The following PKDCC variants were observed in gnomAD, a reference collection of about 807,000 sequenced individuals.
PKDCC encodes the protein extracellular tyrosine-protein kinase PKDCC.
In PKDCC, 35 loss-of-function variants were observed where a neutral mutation model predicts 44.7. The observed-to-expected ratio is 0.78, with a 90% confidence interval of 0.60 to 1.04. The LOEUF is 1.04. PKDCC is among the 50% of genes least tolerant of loss of function. The pLI, the probability that PKDCC is intolerant of heterozygous loss-of-function variation, is 0.00. For missense variants in PKDCC, 738 were observed against 672.7 expected, an observed-to-expected ratio of 1.10 and a Z score of -1.07; for synonymous variants, 353 against 303.3, an observed-to-expected ratio of 1.16 and a Z score of -1.70.
At position 42,048,571 on chromosome 2, in the gene PKDCC, C is replaced by A. The variant is rs1667912356; in HGVS notation, c.372C>A (p.Pro124=). The A allele has an allele frequency of 3.7e-6, 5 of 1,352,238 alleles. No individual in the cohort carries two copies. The highest frequency in any genetic ancestry group is 3.8e-6 in the Non-Finnish European group (4 of 1,053,870). The allele number at this position is 1,352,238 out of a possible 1,614,324, so 83.8% of individuals were successfully genotyped here. ...GWPPAPGPGS[P]GPGPRLGCAA... is the part of the protein sequence containing the mutation. Reference sequence around the variant, plus strand: ...CCCCGGCTCCCGGCCCAGGCTCCCCCGGCCCGGGCCCGCGCCTGGGCTGCG... The same window carrying A: ...CCCCGGCTCCCGGCCCAGGCTCCCCAGGCCCGGGCCCGCGCCTGGGCTGCG... The change falls in exon 1 of 7, where the codon CCC becomes CCA. Residue 124 remains proline, a synonymous_variant. Coordinates refer to ENST00000294964, the MANE Select transcript of PKDCC (RefSeq NM_138370.3). The surrounding 1 kb of genome is among the most constrained non-coding windows in gnomAD (Gnocchi z 6.2).
rs1668020602 is a variant in PKDCC at position 42,054,447 on chromosome 2, C to G, written c.1034+140C>G. 1 of 1,011,920 alleles carries G rather than the reference C, an allele frequency of 9.9e-7. No individual in the cohort carries two copies. Among genetic ancestry groups the G allele is most frequent in the Admixed American group, 2.8e-5 (1 of 35,196 alleles). 62.7% of individuals were successfully genotyped at this position (1,011,920 alleles called of 1,614,324 possible). A position where few individuals can be genotyped will look rare whatever the true frequency, so the allele number is the denominator to read the frequency against. On this transcript the variant is annotated intron_variant, in intron 3 of 6. Transcript: ENST00000294964. This position sits in a 1 kb window ranked among gnomAD's most constrained non-coding sequence, Gnocchi z 6.1. ...AGCAAGGGAAGGCTTCTACCCTGTCCAGAAGGGAACATTCAGGCCTCTGAT... is the reference window on the plus strand; with the variant it reads ...AGCAAGGGAAGGCTTCTACCCTGTCGAGAAGGGAACATTCAGGCCTCTGAT...
chr2:42,055,300 G>A lies in PKDCC; in HGVS notation c.1129G>A (p.Gly377Arg), dbSNP rs139834357. ...IVNATGELAW[G>R]VDETLAQLEK... is the part of the protein sequence containing the mutation. ...GCACTCTGCAGGAGAGCTCGCCTGG[G>A]GGGTGGACGAGACCCTGGCCCAGCT... Residue 377 changes from glycine (G) to arginine (R), a missense_variant, in exon 5 of 7, where the codon GGG (glycine) becomes AGG (arginine). By Grantham distance (125) the Gly-to-Arg change is moderately radical. Transcript: ENST00000294964. This position sits in a 1 kb window ranked among gnomAD's most constrained non-coding sequence, Gnocchi z 4.5. 1.1e-5 allele frequency: 18 copies of A among 1,613,092 alleles called. No individual in the cohort carries two copies. The highest frequency in any genetic ancestry group is 8.0e-5 in the African/African-American group (6 of 74,904).
At position 42,051,030 on chromosome 2, in the gene PKDCC, G is replaced by T. The variant is rs1204953495; in HGVS notation, c.639+2192G>T. ...ACCATTTGACTGTTTGCTGAACTGG[G>T]GAGGAGTTAGAGAACATTTCTAGAG... On this transcript the variant is annotated intron_variant, in intron 1 of 6. Transcript: ENST00000294964. The surrounding 1 kb of genome is among the most constrained non-coding windows in gnomAD (Gnocchi z 4.2). Among the ~76,000 whole-genome samples the T allele has an allele frequency of 2.0e-5, 3 of 152,116 alleles. No homozygotes were observed. Among genetic ancestry groups the T allele is most frequent in the Non-Finnish European group, 4.4e-5 (3 of 68,012 alleles).
At chr2:42,053,204 CTG>C in intron 1 of PKDCC, 33 bp from the exon 2 acceptor site, 2 of 1,483,974 alleles carry the variant, frequency 1.3e-6, no homozygotes, top group Non-Finnish European at 9.2e-7. Flanking sequence ...CACCCCCACC[CTG>C]TGACCTAATG....
intron 2 of PKDCC, 75 bp downstream of exon 2, chr2:42,053,436 G>A: frequency 2.0e-6 from 3 of 1,513,214 alleles, no homozygotes; most frequent in Non-Finnish European, 2.7e-6. Context: ...GCCCTCCAAA[G>A]CAGCTCCCAC....
In PKDCC at chr2:42,058,496, T is replaced by G. The variant is rs1668096787; in HGVS notation, c.*808T>G. 6.6e-6 allele frequency: 1 copy of G among 152,290 alleles called. No individual in the cohort carries two copies. Among genetic ancestry groups the G allele is most frequent in the Non-Finnish European group, 1.5e-5 (1 of 68,038 alleles). 9.4% of individuals were successfully genotyped at this position (152,290 alleles called of 1,614,324 possible). On this transcript the variant is annotated 3_prime_UTR_variant, in exon 7 of 7. Transcript: ENST00000294964. This position sits in a 1 kb window ranked among gnomAD's most constrained non-coding sequence, Gnocchi z 4.2. The stretch of plus-strand genomic sequence containing the variant: ...TAAAAAATAAAATAAAATTAGTTAA[T>G]AAAATGATGTTTCACAGCAAACTCT...
chr2:42,055,564 T>C lies in PKDCC; in HGVS notation c.1222+171T>C. On this transcript the variant is annotated intron_variant, in intron 5 of 6. Transcript: ENST00000294964. This position sits in a 1 kb window ranked among gnomAD's most constrained non-coding sequence, Gnocchi z 4.5. The stretch of plus-strand genomic sequence containing the variant: ...GGGGCTGACATGGACTAATTTGAGG[T>C]TCCATCTCTAGCTGAGCTAGAGCAA... 1 of 608,250 alleles carries C rather than the reference T, an allele frequency of 1.6e-6. No homozygotes were observed. The highest frequency in any genetic ancestry group is 2.9e-6 in the Non-Finnish European group (1 of 343,870). The allele number at this position is 608,250 out of a possible 1,614,324, so 37.7% of individuals were successfully genotyped here. A position where few individuals can be genotyped will look rare whatever the true frequency, so the allele number is the denominator to read the frequency against.
At chr2:42,049,842 C>A (rs1196195222) in intron 1 of PKDCC, among the ~76,000 whole-genome samples, 2 of 152,188 alleles carry the variant, frequency 1.3e-5, no homozygotes, top group African/African-American at 2.4e-5. Context: ...GAGGGGAATC[C>A]CTGACCGCTG....
In PKDCC at chr2:42,051,794, G is replaced by A. The variant is rs543378070; in HGVS notation, c.640-1445G>A. On this transcript the variant is annotated intron_variant, in intron 1 of 6. Coordinates refer to ENST00000294964, the MANE Select transcript of PKDCC (RefSeq NM_138370.3). The surrounding 1 kb of genome is among the most constrained non-coding windows in gnomAD (Gnocchi z 4.2). ...CCTTCCCCCATGCCAGCAGGATGAC[G>A]GGGAGCTGAGGGGGCACTCCTAGGG... Among the ~76,000 whole-genome samples the A allele has an allele frequency of 2.0e-5, 3 of 152,216 alleles. No individual in the cohort carries two copies. Among genetic ancestry groups the A allele is most frequent in the East Asian group, 1.9e-4 (1 of 5,170 alleles).
rs1279725197 is a variant in PKDCC, at chr2:42,058,016, A to C, written c.*328A>C. 1 of 374,294 alleles carries C rather than the reference A, an allele frequency of 2.7e-6. No homozygotes were observed. Among genetic ancestry groups the C allele is most frequent in the Non-Finnish European group, 5.0e-6 (1 of 201,716 alleles). The allele number at this position is 374,294 out of a possible 1,614,324, so 23.2% of individuals were successfully genotyped here. The stretch of plus-strand genomic sequence containing the variant: ...CCCTCCCTGGGACGGTTCCGTGGGC[A>C]GCCCCATCACTGTGTTCAATAGTGT... On this transcript the variant is annotated 3_prime_UTR_variant, in exon 7 of 7. Coordinates refer to ENST00000294964, the MANE Select transcript of PKDCC (RefSeq NM_138370.3). This position sits in a 1 kb window ranked among gnomAD's most constrained non-coding sequence, Gnocchi z 4.2.
chr2:42,050,229 G>A (rs145573443), intron 1 of PKDCC, among the ~76,000 whole-genome samples: 2 of 152,188 alleles, frequency 1.3e-5, no homozygotes, highest in African/African-American at 2.4e-5. Flanking sequence ...AGCTCACACC[G>A]TGTCTGCAGC....
Position 42,055,303 on chromosome 2 carries a change from G to A in PKDCC, c.1132G>A (p.Val378Met), listed in dbSNP as rs1374754168. The A allele has an allele frequency of 1.2e-6, 2 of 1,613,328 alleles. No homozygotes were observed. The highest frequency in any genetic ancestry group is 1.1e-5 in the South Asian group (1 of 90,882). Reference protein sequence around the residue: ...VNATGELAWGVDETLAQLEKV... With the variant: ...VNATGELAWGMDETLAQLEKV... ...CTCTGCAGGAGAGCTCGCCTGGGGGGTGGACGAGACCCTGGCCCAGCTGGA... is the reference window on the plus strand; with the variant it reads ...CTCTGCAGGAGAGCTCGCCTGGGGGATGGACGAGACCCTGGCCCAGCTGGA... The change falls in exon 5 of 7, where the codon GTG becomes ATG. Residue 378 changes from valine (V) to methionine (M), a missense_variant. By Grantham distance (21) the Val-to-Met change is conservative. Coordinates refer to ENST00000294964, the MANE Select transcript of PKDCC (RefSeq NM_138370.3). The surrounding 1 kb of genome is among the most constrained non-coding windows in gnomAD (Gnocchi z 4.5).
At chr2:42,049,077 G>A (rs1406287728) in intron 1 of PKDCC, among the ~76,000 whole-genome samples, 1 of 152,160 alleles carries the variant, frequency 6.6e-6, no homozygotes, top group East Asian at 1.9e-4. Context: ...CTTAAAGACA[G>A]GCCAGGACAG....
Position 42,057,622 on chromosome 2 carries a change from C to A in PKDCC, c.1416C>A (p.Phe472Leu), listed in dbSNP as rs1345991539. 1.9e-6 allele frequency: 3 copies of A among 1,613,918 alleles called. No homozygotes were observed. ...CCCCAGGTCGGCAGCTGGTCTTTTT[C>A]AAGACTGGATGGAGCCAAGTGGTCC... The part of the protein sequence containing the change: ...TTWTGRQLVF[F>L]KTGWSQVVPD... Residue 472 changes from phenylalanine (F) to leucine (L), a missense_variant, in exon 7 of 7, where the codon TTC becomes TTA. Transcript: ENST00000294964.
chr2:42,057,555 C>G, intron 6 of PKDCC, 48 bp from the exon 7 acceptor site: 2 of 1,594,980 alleles, frequency 1.3e-6, no homozygotes, highest in Non-Finnish European at 1.7e-6. Flanking sequence ...GTCTTGCCTC[C>G]AGAAAGAGAA....
In PKDCC at chr2:42,055,247, G is replaced by A. The variant is rs759811568; in HGVS notation, c.1115-39G>A. ...CTGCTGACTTCAGGGAGGAGTGGGA[G>A]CCCCAGGCATCCTGTCTTAGCCACA... On this transcript the variant is annotated intron_variant, in intron 4 of 6. Coordinates refer to ENST00000294964, the MANE Select transcript of PKDCC (RefSeq NM_138370.3). This position sits in a 1 kb window ranked among gnomAD's most constrained non-coding sequence, Gnocchi z 4.5. 2.0e-5 allele frequency: 32 copies of A among 1,566,964 alleles called. No individual in the cohort carries two copies. The highest frequency in any genetic ancestry group is 2.8e-5 in the Non-Finnish European group (32 of 1,148,234).
chr2:42,053,917 G>C, intron 2 of PKDCC, 119 bp from the exon 3 acceptor site: 1 of 1,298,446 alleles, frequency 7.7e-7, no homozygotes. Flanking sequence ...GGGGCCTATA[G>C]AAGAGAAGTG....
Position 42,055,025 on chromosome 2 carries a change from GCT to G in PKDCC, c.1114+9_1114+10del. ...ACAGCATCGTCAACGCCACAGGTGA[GCT>G]CTCCAGGGCCCATCTGCTTCCAGGC... On this transcript the variant is annotated splice_donor_region_variant and intron_variant, in intron 4 of 6. Transcript: ENST00000294964. This position sits in a 1 kb window ranked among gnomAD's most constrained non-coding sequence, Gnocchi z 4.5. 1 of 1,612,852 alleles carries G rather than the reference GCT, an allele frequency of 6.2e-7. No homozygotes were observed. Among genetic ancestry groups the G allele is most frequent in the Non-Finnish European group, 8.5e-7 (1 of 1,178,898 alleles).
chr2:42,048,521 C>T lies in PKDCC; in HGVS notation c.322C>T (p.Leu108=), dbSNP rs557784874. The T allele has an allele frequency of 1.0e-4, 123 of 1,195,936 alleles. No individual in the cohort carries two copies. In the Middle Eastern group the frequency reaches 2.3e-3, roughly 23 times the overall value. 74.1% of individuals were successfully genotyped at this position (1,195,936 alleles called of 1,614,324 possible). The change falls in exon 1 of 7, where the codon CTG becomes TTG. Residue 108 remains leucine, a synonymous_variant. Transcript: ENST00000294964. This position sits in a 1 kb window ranked among gnomAD's most constrained non-coding sequence, Gnocchi z 6.2. ...CCCCCGGCCCCCTTGGGCCCGGCCC[C>T]TGTCCGACGGCGCCCCAGGCTGGCC... The part of the protein sequence containing the change: ...PRPRPPWARP[L]SDGAPGWPPA...
Sources: gnomAD v4.1 joint callset for allele counts (sites outside exome capture counted in the v4.1 genomes callset) on GRCh38, gnomAD v4.1.1 for gene constraint, Gnocchi (gnomAD v3.1) non-coding constraint, MANE v1.5 for transcripts, NCBI Gene and HGNC (gene_info 2026-07-23, HGNC 2026-07-21) for gene names.